Variants in EFCAB6 observed in about 807,000 individuals in gnomAD.
EFCAB6 encodes EF-hand calcium binding domain 6, also known as EF-hand calcium-binding domain-containing protein 6.
Under a neutral mutation model 169.8 loss-of-function variants are expected in EFCAB6, and 156 were observed. The observed-to-expected ratio is 0.92, with a 90% confidence interval of 0.81 to 1.05. The LOEUF (loss-of-function observed/expected upper bound fraction) is 1.05. EFCAB6 is among the 50% of genes least tolerant of loss of function. The pLI, the probability that EFCAB6 is intolerant of heterozygous loss-of-function variation, is 0.00. For missense variants in EFCAB6, 1,800 were observed against 1,829.1 expected, an observed-to-expected ratio of 0.98 and a Z score of 0.29; for synonymous variants, 698 against 676.4, an observed-to-expected ratio of 1.03 and a Z score of -0.50.
chr22:43,661,180 G>A (rs1469718407), intron 17 of EFCAB6, among the ~76,000 whole-genome samples: 1 of 152,030 alleles, frequency 6.6e-6, no homozygotes, highest in East Asian at 1.9e-4. Context: ...TTCAAGAGTG[G>A]CCGGGGCAAC....
At chr22:43,644,696 T>C (rs1367270805) in intron 17 of EFCAB6, among the ~76,000 whole-genome samples, 1 of 152,208 alleles carries the variant, frequency 6.6e-6, no homozygotes, top group Non-Finnish European at 1.5e-5. Context: ...ATCATGACAA[T>C]GAAAATGATG....
intron 13 of EFCAB6, 69 bp from the exon 14 acceptor site, chr22:43,672,374 G>A (rs1460169306): frequency 5.2e-6 from 8 of 1,538,856 alleles, no homozygotes; most frequent in Non-Finnish European, 7.1e-6. Flanking sequence ...TTGGAGGCAG[G>A]TGGACCTGGA....
intron 17 of EFCAB6, among the ~76,000 whole-genome samples, chr22:43,643,877 G>A (rs890352672): frequency 1.3e-5 from 2 of 151,614 alleles, no homozygotes; most frequent in South Asian, 2.1e-4. Flanking sequence ...AGGCTGGAGC[G>A]CAGTAGCGTG....
Position 43,564,601 on chromosome 22 carries a change from G to A in EFCAB6, c.3421-9505C>T, listed in dbSNP as rs941654008. Among the ~76,000 whole-genome samples, 17 of 152,220 alleles carry A rather than the reference G, an allele frequency of 1.1e-4. 1 individual carries two copies. The highest frequency in any genetic ancestry group is 1.3e-4 in the Admixed American group (2 of 15,290). ...TACTCAACCCAAGCCAGGGGCGGGAGCAAGCCCTGAGGTGAGAGTTAAGCC... is the reference window on the plus strand; with the variant it reads ...TACTCAACCCAAGCCAGGGGCGGGAACAAGCCCTGAGGTGAGAGTTAAGCC... On this transcript the variant is annotated intron_variant, in intron 26 of 31. Transcript: ENST00000262726.
chr22:43,632,536 G>A (rs947620626), intron 18 of EFCAB6, among the ~76,000 whole-genome samples: 6 of 151,802 alleles, frequency 4.0e-5, no homozygotes. Context: ...CTGATCTCAG[G>A]TGATCCGCCC....
chr22:43,586,822 T>C (rs2051105797), intron 24 of EFCAB6, among the ~76,000 whole-genome samples: 1 of 152,164 alleles, frequency 6.6e-6, no homozygotes, highest in Non-Finnish European at 1.5e-5. Context: ...TCAGAAACTT[T>C]GGGGGAGGGA....
At chr22:43,632,788 T>G (rs947609209) in intron 18 of EFCAB6, among the ~76,000 whole-genome samples, 3 of 152,172 alleles carry the variant, frequency 2.0e-5, no homozygotes, top group Non-Finnish European at 4.4e-5. Flanking sequence ...TGGGGCCTCC[T>G]TTCACCCTCA....
At chr22:43,647,228 C>A (rs552545289) in intron 17 of EFCAB6, among the ~76,000 whole-genome samples, 10 of 151,856 alleles carry the variant, frequency 6.6e-5, no homozygotes, top group South Asian at 2.1e-4. Flanking sequence ...CACCTATTAA[C>A]CATGGCTACA....
chr22:43,767,583 A>T (rs1303821293), intron 4 of EFCAB6, among the ~76,000 whole-genome samples: 1 of 152,066 alleles, frequency 6.6e-6, no homozygotes, highest in Admixed American at 6.6e-5. Context: ...CCCTAAAACC[A>T]CCCTCAGAGG....
intron 8 of EFCAB6, among the ~76,000 whole-genome samples, chr22:43,720,165 A>C (rs2059470336): frequency 2.8e-5 from 1 of 36,354 alleles, no homozygotes; most frequent in Admixed American, 2.7e-4. Flanking sequence ...ACCTCAATAA[A>C]GATGAAAAAA....
intron 2 of EFCAB6, among the ~76,000 whole-genome samples, chr22:43,787,592 G>GGAAAA (rs2062129266): frequency 3.9e-5 from 6 of 152,104 alleles, no homozygotes; most frequent in Admixed American, 3.9e-4. Flanking sequence ...ACACAATATT[G>GGAAAA]TTGAAAGTAG....
At chr22:43,570,009 T>G (rs2049742156) in intron 26 of EFCAB6, 1 of 152,172 alleles carries the variant, frequency 6.6e-6, no homozygotes, top group Non-Finnish European at 1.5e-5. Context: ...AAAAGAAAGA[T>G]AAATTGAAGT....
intron 5 of EFCAB6, among the ~76,000 whole-genome samples, chr22:43,765,102 T>G (rs1323433637): frequency 1.3e-5 from 2 of 152,224 alleles, no homozygotes; most frequent in Non-Finnish European, 1.5e-5. Flanking sequence ...CCTCTTGTTT[T>G]GAAATACATC....
intron 15 of EFCAB6, among the ~76,000 whole-genome samples, chr22:43,669,548 T>C (rs1009536554): frequency 6.6e-6 from 1 of 152,080 alleles, no homozygotes; most frequent in Admixed American, 6.6e-5. Flanking sequence ...GAGCTATCAG[T>C]GGTTTCGTGG....
chr22:43,699,853 T>C (rs1167306363), intron 10 of EFCAB6, among the ~76,000 whole-genome samples: 3 of 152,222 alleles, frequency 2.0e-5, no homozygotes, highest in African/African-American at 7.2e-5. Context: ...GTATAGCTTC[T>C]GCCACGCTAC....
At chr22:43,758,837 A>G (rs1230606417) in intron 5 of EFCAB6, among the ~76,000 whole-genome samples, 1 of 152,228 alleles carries the variant, frequency 6.6e-6, no homozygotes, top group Non-Finnish European at 1.5e-5. Flanking sequence ...TTTTATGTCT[A>G]TAATATTCAA....
At chr22:43,590,484 G>A (rs1602462431) in intron 23 of EFCAB6, among the ~76,000 whole-genome samples, 1 of 152,124 alleles carries the variant, frequency 6.6e-6, no homozygotes. Context: ...CTTTGTCTTT[G>A]TACTAGAATC....
chr22:43,625,422 G>A (rs561701735), intron 20 of EFCAB6, among the ~76,000 whole-genome samples: 1 of 152,376 alleles, frequency 6.6e-6, no homozygotes, highest in African/African-American at 2.4e-5. Flanking sequence ...TCAAGGAGGA[G>A]ATGACTTGCT....
At chr22:43,687,333 T>C in intron 11 of EFCAB6, 138 bp downstream of exon 11, 1 of 560,470 alleles carries the variant, frequency 1.8e-6, no homozygotes, top group Non-Finnish European at 3.0e-6. Context: ...TAAATCACTA[T>C]ATAAAAGTTG....
Sources: gnomAD v4.1 joint callset for allele counts (sites outside exome capture counted in the v4.1 genomes callset) on GRCh38, gnomAD v4.1.1 for gene constraint, MANE v1.5 for transcripts, NCBI Gene and HGNC (gene_info 2026-07-23, HGNC 2026-07-21) for gene names.